The following DCC variants were observed in gnomAD, a reference collection of about 807,000 sequenced individuals.
DCC encodes the protein DCC netrin 1 receptor, also known as netrin receptor DCC.
Under a neutral mutation model 172.5 loss-of-function variants are expected in DCC, and 58 were observed. The observed-to-expected ratio is 0.34, with a 90% CI of 0.27 to 0.42. DCC has a LOEUF of 0.42. DCC is among the 10% of genes least tolerant of loss of function. The pLI, the probability that DCC is intolerant of heterozygous loss-of-function variation, is 1.00. For missense variants in DCC, 1,740 were observed against 1,791.0 expected (o/e 0.97, Z 0.51); for synonymous variants, 709 against 644.5 (o/e 1.10, Z -1.52).
At chr18:53,162,361 C>A (rs1310709717) in intron 8 of DCC, among the ~76,000 whole-genome samples, 1 of 151,824 alleles carries the variant, frequency 6.6e-6, no homozygotes, top group Admixed American at 6.6e-5. Flanking sequence ...CACTTCTTAC[C>A]CACTTCTTAA....
At chr18:53,159,114 T>C (rs1314389954) in intron 8 of DCC, among the ~76,000 whole-genome samples, 1 of 152,144 alleles carries the variant, frequency 6.6e-6, no homozygotes, top group Non-Finnish European at 1.5e-5. Context: ...TTTGTGATCT[T>C]ACGATGCCTC....
At chr18:53,298,311 G>A (rs908239005) in intron 12 of DCC, among the ~76,000 whole-genome samples, 2 of 151,792 alleles carry the variant, frequency 1.3e-5, no homozygotes, top group Non-Finnish European at 2.9e-5. Context: ...GTGAGCGGGT[G>A]GATCCTTTGA....
At chr18:53,126,917 C>G (rs1197253327) in intron 7 of DCC, among the ~76,000 whole-genome samples, 1 of 152,100 alleles carries the variant, frequency 6.6e-6, no homozygotes, top group Non-Finnish European at 1.5e-5. Context: ...ATCACACACC[C>G]AGTACTTTTA....
At chr18:53,092,502 CAT>C (rs1338869719) in intron 7 of DCC, among the ~76,000 whole-genome samples, 22 of 152,218 alleles carry the variant, frequency 1.4e-4, no homozygotes, top group East Asian at 1.2e-3. Flanking sequence ...TATATCATAA[CAT>C]ATGTTTTAAC....
intron 5 of DCC, among the ~76,000 whole-genome samples, chr18:52,986,975 A>C (rs2041306954): frequency 6.6e-6 from 1 of 151,914 alleles, no homozygotes; most frequent in Non-Finnish European, 1.5e-5. Flanking sequence ...GGCGCACACC[A>C]CTAACACCTG....
chr18:52,640,028 G>A (rs1340391394), intron 1 of DCC, among the ~76,000 whole-genome samples: 1 of 152,094 alleles, frequency 6.6e-6, no homozygotes, highest in African/African-American at 2.4e-5. Flanking sequence ...GATAAAGTGG[G>A]TTTCATACCA....
intron 2 of DCC, among the ~76,000 whole-genome samples, chr18:52,813,475 A>T (rs2145254054): frequency 6.6e-6 from 1 of 152,350 alleles, no homozygotes; most frequent in Non-Finnish European, 1.5e-5. Flanking sequence ...ACCAGGGATC[A>T]TGGTGGATTC....
chr18:53,340,651 T>G (rs1380343364), intron 15 of DCC, among the ~76,000 whole-genome samples: 22 of 152,218 alleles, frequency 1.4e-4, no homozygotes, highest in Admixed American at 1.4e-3. Flanking sequence ...TTAGATCTGA[T>G]TTCCCATAGT....
intron 1 of DCC, among the ~76,000 whole-genome samples, chr18:52,481,113 G>A (rs2029941355): frequency 6.6e-6 from 1 of 152,128 alleles, no homozygotes; most frequent in African/African-American, 2.4e-5. Context: ...ACTAAAGAAA[G>A]CAAACATACT....
At chr18:53,199,169 G>A (rs1357156101) in intron 9 of DCC, among the ~76,000 whole-genome samples, 1 of 151,472 alleles carries the variant, frequency 6.6e-6, no homozygotes, top group Non-Finnish European at 1.5e-5. Context: ...TCTGCCTCTG[G>A]GGTTCAAGGG....
At chr18:52,393,793 A>G (rs1264182199) in intron 1 of DCC, among the ~76,000 whole-genome samples, 1 of 152,114 alleles carries the variant, frequency 6.6e-6, no homozygotes, top group Non-Finnish European at 1.5e-5. Context: ...TTTTTAAACA[A>G]TACCAATATC....
chr18:53,472,582 C>T (rs73957246), intron 25 of DCC, among the ~76,000 whole-genome samples: 3,773 of 152,254 alleles, frequency 0.025, 144 homozygotes, highest in African/African-American at 0.086. Flanking sequence ...ATATCTTCCT[C>T]ATCTAATAAA....
At chr18:53,360,905 T>G (rs2057938012) in intron 15 of DCC, among the ~76,000 whole-genome samples, 1 of 152,160 alleles carries the variant, frequency 6.6e-6, no homozygotes, top group South Asian at 2.1e-4. Flanking sequence ...TTAAAAGGTG[T>G]ACTGGTTTGA....
intron 5 of DCC, among the ~76,000 whole-genome samples, chr18:52,979,056 G>C (rs529516670): frequency 6.6e-6 from 1 of 152,170 alleles, no homozygotes; most frequent in Admixed American, 6.5e-5. Context: ...TTTTGGAAAT[G>C]TGCTTTTTTA....
At chr18:52,815,999 T>C (rs9945531) in intron 2 of DCC, among the ~76,000 whole-genome samples, 79 of 152,336 alleles carry the variant, frequency 5.2e-4, no homozygotes, top group African/African-American at 1.6e-3. Context: ...AATTAGTGAA[T>C]AATAAGTAAT....
At chr18:53,103,530 T>C (rs1327222937) in intron 7 of DCC, among the ~76,000 whole-genome samples, 3 of 151,998 alleles carry the variant, frequency 2.0e-5, no homozygotes, top group Non-Finnish European at 4.4e-5. Flanking sequence ...GTGCCTTCTT[T>C]AAAATAACTC....
chr18:53,438,755 G>A (rs556056750), intron 22 of DCC, among the ~76,000 whole-genome samples: 2 of 152,318 alleles, frequency 1.3e-5, no homozygotes, highest in African/African-American at 4.8e-5. Flanking sequence ...AAAGGTGTCA[G>A]ATGTTAGAAG....
chr18:53,200,618 T>G (rs2055522251), intron 9 of DCC, among the ~76,000 whole-genome samples: 1 of 152,042 alleles, frequency 6.6e-6, no homozygotes, highest in Non-Finnish European at 1.5e-5. Context: ...TGGCCTCATG[T>G]TTGTTCTTAT....
chr18:53,097,063 T>C (rs2043098723), intron 7 of DCC, among the ~76,000 whole-genome samples: 1 of 152,182 alleles, frequency 6.6e-6, no homozygotes, highest in South Asian at 2.1e-4. Context: ...GGGTGTGATA[T>C]TAAGGTTGAA....
Sources: allele counts gnomAD v4.1 joint callset (sites outside exome capture counted in the v4.1 genomes callset), GRCh38; gene constraint gnomAD v4.1.1; transcripts MANE v1.5; gene names NCBI Gene and HGNC (gene_info 2026-07-23, HGNC 2026-07-21).